ENTREP2: variants seen among roughly 807,000 people sequenced by gnomAD.
The protein encoded by ENTREP2 is endosomal transmembrane epsin interactor 2.
the ENTREP2 span, among the ~76,000 whole-genome samples, chr15:29,290,353 C>T: frequency 3.3e-4 from 50 of 152,300 alleles, no homozygotes; most frequent in East Asian, 4.8e-3. Flanking sequence ...CAGAATCACG[C>T]GGCTCACTCC....
chr15:29,452,440 T>C, the ENTREP2 span: 3 of 152,254 alleles, frequency 2.0e-5, no homozygotes, highest in Non-Finnish European at 4.4e-5. Context: ...TGGTATGGAA[T>C]GGGGCTCAAC....
chr15:29,234,551 G>T, the ENTREP2 span: 1 of 1,398,542 alleles, frequency 7.2e-7, no homozygotes, highest in Non-Finnish European at 1.0e-6. Context: ...AATAGCAACA[G>T]ATGTGGCAGC....
At chr15:29,572,545 CT>C in the ENTREP2 span, among the ~76,000 whole-genome samples, 6,869 of 143,562 alleles carry the variant, frequency 0.048, 182 homozygotes, top group Middle Eastern at 0.099. Context: ...AATCATAAGG[CT>C]TTTTTTTTTT....
At chr15:29,255,682 A>G in the ENTREP2 span, among the ~76,000 whole-genome samples, 3 of 152,170 alleles carry the variant, frequency 2.0e-5, no homozygotes, top group Middle Eastern at 3.4e-3. Flanking sequence ...CATATACACC[A>G]TGGAATACTA....
the ENTREP2 span, among the ~76,000 whole-genome samples, chr15:29,295,723 C>A: frequency 1.3e-5 from 2 of 152,126 alleles, no homozygotes; most frequent in Admixed American, 6.6e-5. Context: ...GTCTGATAAC[C>A]ATCCTGGCTA....
At chr15:29,163,419 C>A in the ENTREP2 span, among the ~76,000 whole-genome samples, 2 of 151,426 alleles carry the variant, frequency 1.3e-5, no homozygotes, top group African/African-American at 4.9e-5. Flanking sequence ...AAAAACGATA[C>A]AAGAAGTGAC....
chr15:29,539,605 C>G, the ENTREP2 span, among the ~76,000 whole-genome samples: 10 of 152,212 alleles, frequency 6.6e-5, no homozygotes, highest in African/African-American at 2.4e-4. Flanking sequence ...GCCCCTATTT[C>G]CTGGAGGGTC....
chr15:29,547,279 C>A, the ENTREP2 span, among the ~76,000 whole-genome samples: 67,881 of 151,096 alleles, frequency 0.45, 16,378 homozygotes, highest in African/African-American at 0.64. Flanking sequence ...TAGTAGAGAC[C>A]GGGTTTCACC....
chr15:29,148,915 C>T, the ENTREP2 span, among the ~76,000 whole-genome samples: 2 of 151,170 alleles, frequency 1.3e-5, no homozygotes, highest in Admixed American at 1.3e-4. Context: ...CTCGCTCTGT[C>T]GCCCAGGCTG....
At chr15:29,291,250 G>GT in the ENTREP2 span, among the ~76,000 whole-genome samples, 17 of 152,242 alleles carry the variant, frequency 1.1e-4, no homozygotes, top group East Asian at 2.1e-3. Context: ...AATTTCAAGG[G>GT]TTTTTTTGTT....
At chr15:29,640,488 T>C in the ENTREP2 span, among the ~76,000 whole-genome samples, 7,047 of 152,046 alleles carry the variant, frequency 0.046, 186 homozygotes, top group South Asian at 0.065. Context: ...TGAAACCCCA[T>C]CTCTACAAAT....
the ENTREP2 span, chr15:29,268,652 G>T: frequency 1.4e-6 from 1 of 715,228 alleles, no homozygotes. Flanking sequence ...ACAAAACTTT[G>T]CAAACACATC....
the ENTREP2 span, among the ~76,000 whole-genome samples, chr15:29,418,835 C>T: frequency 6.6e-6 from 1 of 152,190 alleles, no homozygotes; most frequent in Non-Finnish European, 1.5e-5. Flanking sequence ...TGGCTATGCA[C>T]CTGCTGAAAG....
chr15:29,144,493 C>T, the ENTREP2 span, among the ~76,000 whole-genome samples: 1 of 152,062 alleles, frequency 6.6e-6, no homozygotes, highest in Non-Finnish European at 1.5e-5. Flanking sequence ...CTTGGGGAGC[C>T]CAAGGAGAGA....
At chr15:29,535,718 C>G in the ENTREP2 span, among the ~76,000 whole-genome samples, 1 of 152,066 alleles carries the variant, frequency 6.6e-6, no homozygotes, top group Non-Finnish European at 1.5e-5. Flanking sequence ...AAGTTAGCAA[C>G]TTTATGTCTG....
At chr15:29,551,492 T>C in the ENTREP2 span, among the ~76,000 whole-genome samples, 1 of 152,156 alleles carries the variant, frequency 6.6e-6, no homozygotes, top group Non-Finnish European at 1.5e-5. Flanking sequence ...ACGTGCTCAA[T>C]ACATATGCCT....
chr15:29,508,155 T>G, the ENTREP2 span, among the ~76,000 whole-genome samples: 5 of 152,162 alleles, frequency 3.3e-5, no homozygotes, highest in African/African-American at 1.2e-4. Flanking sequence ...CTAGAGGAAA[T>G]GGATAAATTC....
At chr15:29,568,465 G>A in the ENTREP2 span, among the ~76,000 whole-genome samples, 1 of 152,128 alleles carries the variant, frequency 6.6e-6, no homozygotes, top group Non-Finnish European at 1.5e-5. Flanking sequence ...GCTGAGGCAG[G>A]AGCATCCCTT....
chr15:29,414,177 C>G, the ENTREP2 span, among the ~76,000 whole-genome samples: 1 of 152,164 alleles, frequency 6.6e-6, no homozygotes, highest in Non-Finnish European at 1.5e-5. Flanking sequence ...ACTCTCCACC[C>G]CAAATCAACA....
Sources: gnomAD v4.1 joint callset for allele counts (sites outside exome capture counted in the v4.1 genomes callset) on GRCh38, gnomAD v4.1.1 for gene constraint, MANE v1.5 for transcripts, NCBI Gene and HGNC (gene_info 2026-07-23, HGNC 2026-07-21) for gene names.